Variants in SRD5A1 observed in about 807,000 individuals in gnomAD.
The protein encoded by SRD5A1 is steroid 5 alpha-reductase 1.
A neutral mutation model predicts 28.2 loss-of-function variants in SRD5A1; 22 were observed. The ratio of observed to expected loss-of-function variants is 0.78; its 90% CI spans 0.56 to 1.12. The LOEUF is 1.12. SRD5A1 is among the 50% of genes most tolerant of loss of function. SRD5A1 has a pLI of 0.00. For missense variants in SRD5A1, 300 were observed against 346.7 expected (o/e 0.87, Z 1.07); for synonymous variants, 151 against 135.0 (o/e 1.12, Z -0.82).
chr5:6,643,421 C>T (rs1310257147), intron 1 of SRD5A1, among the ~76,000 whole-genome samples: 1 of 152,204 alleles, frequency 6.6e-6, no homozygotes, highest in East Asian at 1.9e-4. Context: ...CCTCCCACCT[C>T]AGTCTCCCAA....
At chr5:6,637,800 A>C (rs1738241086) in intron 1 of SRD5A1, among the ~76,000 whole-genome samples, 1 of 152,184 alleles carries the variant, frequency 6.6e-6, no homozygotes, top group Admixed American at 6.5e-5. Context: ...CACCTGTCCC[A>C]GGTTTGTACT....
At chr5:6,645,987 T>C (rs1738496779) in intron 1 of SRD5A1, among the ~76,000 whole-genome samples, 1 of 152,144 alleles carries the variant, frequency 6.6e-6, no homozygotes, top group Admixed American at 6.5e-5. Context: ...AATGCTATCC[T>C]TCCCCCGATC....
chr5:6,645,502 G>A (rs1028564766), intron 1 of SRD5A1, among the ~76,000 whole-genome samples: 3 of 151,992 alleles, frequency 2.0e-5, no homozygotes, highest in East Asian at 1.9e-4. Context: ...AGCCGGGTGT[G>A]GTAACACATG....
At chr5:6,654,841 T>C (rs1307906675) in intron 2 of SRD5A1, among the ~76,000 whole-genome samples, 1 of 152,216 alleles carries the variant, frequency 6.6e-6, no homozygotes, top group Non-Finnish European at 1.5e-5. Context: ...GGAAGAAACA[T>C]AAAGTAACCA....
At chr5:6,655,302 T>C (rs960531616) in intron 2 of SRD5A1, among the ~76,000 whole-genome samples, 1 of 152,244 alleles carries the variant, frequency 6.6e-6, no homozygotes, top group African/African-American at 2.4e-5. Context: ...TAAAACACTG[T>C]TTTGGCCTTT....
intron 4 of SRD5A1, among the ~76,000 whole-genome samples, chr5:6,665,566 A>G (rs747235190): frequency 6.6e-6 from 1 of 152,224 alleles, no homozygotes; most frequent in Non-Finnish European, 1.5e-5. Context: ...TGCTCCCAGC[A>G]CTGCACCTGG....
At chr5:6,650,670 T>C (rs1738643139) in intron 1 of SRD5A1, among the ~76,000 whole-genome samples, 1 of 151,920 alleles carries the variant, frequency 6.6e-6, no homozygotes. Flanking sequence ...ACTTTAAGTT[T>C]TAGGGTACAT....
chr5:6,671,371 G>A lies in SRD5A1; in HGVS notation c.*3103G>A, dbSNP rs1455617650. On this transcript the variant is annotated 3_prime_UTR_variant, in exon 5 of 5. Transcript: ENST00000274192. ...TGGGATTGTTTGTTTTTTTCTTACTGATTTGTTTGAGTTTGTTGTAGATTC... is the reference window on the plus strand; with the variant it reads ...TGGGATTGTTTGTTTTTTTCTTACTAATTTGTTTGAGTTTGTTGTAGATTC... 6.6e-6 allele frequency: 1 copy of A among 151,742 alleles called. No individual in the cohort carries two copies. The highest frequency in any genetic ancestry group is 2.4e-5 in the African/African-American group (1 of 41,252). 9.4% of individuals were successfully genotyped at this position (151,742 alleles called of 1,614,324 possible).
chr5:6,637,050 A>C (rs8192142), intron 1 of SRD5A1, among the ~76,000 whole-genome samples: 36 of 152,188 alleles, frequency 2.4e-4, no homozygotes, highest in Admixed American at 2.3e-3. Context: ...CCTGCCTCCT[A>C]TCTGTGCTGA....
rs1420518565 is a variant in SRD5A1, at chr5:6,670,849, A to G, written c.*2581A>G. Reference sequence around the variant, plus strand: ...AGATCATTGCAAATACTGCTAATTGATTCCTTTTTATGGCTGAGTAGTATT... The same window carrying G: ...AGATCATTGCAAATACTGCTAATTGGTTCCTTTTTATGGCTGAGTAGTATT... On this transcript the variant is annotated 3_prime_UTR_variant, in exon 5 of 5. Coordinates refer to ENST00000274192, the MANE Select transcript of SRD5A1 (RefSeq NM_001047.4). 6.6e-6 allele frequency: 1 copy of G among 152,148 alleles called. No homozygotes were observed. The highest frequency in any genetic ancestry group is 2.4e-5 in the African/African-American group (1 of 41,434). The allele number at this position is 152,148 out of a possible 1,614,324, so 9.4% of individuals were successfully genotyped here.
rs1180923111 is a variant in SRD5A1 at position 6,671,010 on chromosome 5, T to G, written c.*2742T>G. The G allele has an allele frequency of 6.6e-6, 1 of 152,254 alleles. No homozygotes were observed. The highest frequency in any genetic ancestry group is 2.4e-5 in the African/African-American group (1 of 41,474). 9.4% of individuals were successfully genotyped at this position (152,254 alleles called of 1,614,324 possible). On this transcript the variant is annotated 3_prime_UTR_variant, in exon 5 of 5. Transcript: ENST00000274192. ...TTTTGAATAATGACTTCTTTTCCTC[T>G]GGGTAGATACCCAGTAATGGGATTG...
intron 1 of SRD5A1, among the ~76,000 whole-genome samples, chr5:6,635,766 C>CTTT (rs1738166497): frequency 6.6e-6 from 1 of 152,220 alleles, no homozygotes; most frequent in Admixed American, 6.5e-5. Flanking sequence ...CAAGGGAACA[C>CTTT]TTGACAAAGT....
At chr5:6,665,178 C>T (rs1324534983) in intron 4 of SRD5A1, among the ~76,000 whole-genome samples, 1 of 152,230 alleles carries the variant, frequency 6.6e-6, no homozygotes, top group Non-Finnish European at 1.5e-5. Flanking sequence ...GCGATGCAGC[C>T]ATGAACCCAG....
In SRD5A1 at chr5:6,671,622, TAAGCTATGAGGACACA is replaced by T. The variant is rs1022534712; in HGVS notation, c.*3358_*3373del. 3 of 148,724 alleles carry T rather than the reference TAAGCTATGAGGACACA, an allele frequency of 2.0e-5. No homozygotes were observed. Among genetic ancestry groups the T allele is most frequent in the African/African-American group, 7.4e-5 (3 of 40,504 alleles). The allele number at this position is 148,724 out of a possible 1,614,324, so 9.2% of individuals were successfully genotyped here. Reference sequence around the variant, plus strand: ...TATGTTCTCATTGATATGTGGGAGCTAAGCTATGAGGACACAAAGGCATAAGAATGGTACAATGGAC... The same window carrying T: ...TATGTTCTCATTGATATGTGGGAGCTAAGGCATAAGAATGGTACAATGGAC... On this transcript the variant is annotated 3_prime_UTR_variant, in exon 5 of 5. Coordinates refer to ENST00000274192, the MANE Select transcript of SRD5A1 (RefSeq NM_001047.4).
chr5:6,656,900 G>A (rs529515581), intron 3 of SRD5A1, among the ~76,000 whole-genome samples: 1 of 152,284 alleles, frequency 6.6e-6, no homozygotes, highest in African/African-American at 2.4e-5. Flanking sequence ...AGCACCATGA[G>A]GGAGAGCGTA....
chr5:6,644,528 A>G (rs1342623574), intron 1 of SRD5A1, among the ~76,000 whole-genome samples: 1 of 152,036 alleles, frequency 6.6e-6, no homozygotes, highest in Non-Finnish European at 1.5e-5. Flanking sequence ...TCTTTGCCGC[A>G]TTGAGAATCT....
At chr5:6,653,604 C>T (rs1160028338) in intron 2 of SRD5A1, 1 of 152,138 alleles carries the variant, frequency 6.6e-6, no homozygotes, top group Non-Finnish European at 1.5e-5. Flanking sequence ...GCGGTGATTT[C>T]CACCACCTCA....
At chr5:6,651,123 G>T (rs1009184156) in intron 1 of SRD5A1, among the ~76,000 whole-genome samples, 1 of 152,152 alleles carries the variant, frequency 6.6e-6, no homozygotes, top group Non-Finnish European at 1.5e-5. Context: ...GCTAGCAGGT[G>T]AAAGTGCTCA....
intron 2 of SRD5A1, among the ~76,000 whole-genome samples, chr5:6,653,860 TCTTGA>T (rs1161015299): frequency 6.6e-6 from 1 of 152,094 alleles, no homozygotes; most frequent in Non-Finnish European, 1.5e-5. Flanking sequence ...TAGACAGACC[TCTTGA>T]CTTCTCTACA....
Sources: allele counts gnomAD v4.1 joint callset (sites outside exome capture counted in the v4.1 genomes callset), GRCh38; gene constraint gnomAD v4.1.1; transcripts MANE v1.5; gene names NCBI Gene and HGNC (gene_info 2026-07-23, HGNC 2026-07-21).